Variants in ARAP2 observed in about 807,000 individuals in gnomAD.
ARAP2 encodes arf-GAP with Rho-GAP domain, ANK repeat and PH domain-containing protein 2.
ARAP2 carries 148 observed loss-of-function variants against 194.5 expected under a neutral mutation model. That is an observed-to-expected ratio of 0.76 (90% CI 0.67 to 0.87). ARAP2 has a LOEUF of 0.87. Among genes scored for constraint, ARAP2 ranks in the 40% least tolerant of loss-of-function variants. The pLI is 0.00. For synonymous variants in ARAP2, 695 were observed against 683.5 expected (o/e 1.02, Z -0.26); for missense variants, 2,128 against 1,989.7 (o/e 1.07, Z -1.32).
At chr4:36,107,766 T>A (rs1577910024) in intron 26 of ARAP2, 73 bp from the exon 27 acceptor site, 1 of 1,440,548 alleles carries the variant, frequency 6.9e-7, no homozygotes, top group East Asian at 2.6e-5. Context: ...AATCATAAAT[T>A]TTAAAAAATC....
At chr4:36,071,566 G>C (rs1726903634) in intron 32 of ARAP2, among the ~76,000 whole-genome samples, 1 of 151,876 alleles carries the variant, frequency 6.6e-6, no homozygotes, top group African/African-American at 2.4e-5. Flanking sequence ...TGAAAGCCAG[G>C]CTTAGCCACA....
intron 5 of ARAP2, among the ~76,000 whole-genome samples, chr4:36,028,889 T>C (rs1001694892): frequency 2.6e-5 from 4 of 152,014 alleles, no homozygotes; most frequent in African/African-American, 7.2e-5. Context: ...TCCTCACAGA[T>C]GAAAGGGCCA....
At chr4:36,176,703 A>T (rs1266726406) in intron 9 of ARAP2, among the ~76,000 whole-genome samples, 1 of 152,154 alleles carries the variant, frequency 6.6e-6, no homozygotes, top group Non-Finnish European at 1.5e-5. Context: ...GAATATGCTA[A>T]CTACCCACAT....
At chr4:36,243,887 T>C (rs1271231980) in intron 1 of ARAP2, 1 of 152,250 alleles carries the variant, frequency 6.6e-6, no homozygotes, top group African/African-American at 2.4e-5. Context: ...CTTCTTCTTA[T>C]TTAAAGGTAG....
intron 3 of ARAP2, among the ~76,000 whole-genome samples, chr4:36,047,459 T>C (rs750284836): frequency 4.6e-5 from 7 of 152,348 alleles, no homozygotes; most frequent in Non-Finnish European, 5.9e-5. Flanking sequence ...AATTATCTGG[T>C]CTTTTCAACA....
At chr4:36,155,794 C>T (rs1405695641) in intron 15 of ARAP2, among the ~76,000 whole-genome samples, 1 of 151,672 alleles carries the variant, frequency 6.6e-6, no homozygotes, top group Non-Finnish European at 1.5e-5. Flanking sequence ...TTTTAGGTCA[C>T]AATAAAAAAT....
At chr4:36,111,499 T>A (rs1342689239) in intron 26 of ARAP2, among the ~76,000 whole-genome samples, 1 of 151,994 alleles carries the variant, frequency 6.6e-6, no homozygotes, top group East Asian at 1.9e-4. Context: ...TAACTCTAAG[T>A]GTATTCTTTC....
intron 8 of ARAP2, among the ~76,000 whole-genome samples, chr4:36,013,298 G>A (rs527503803): frequency 1.7e-4 from 26 of 152,214 alleles, no homozygotes; most frequent in African/African-American, 3.6e-4. Context: ...ACTAAATGAC[G>A]TAATACCCTT....
At chr4:36,240,409 A>G (rs1481063659) in intron 1 of ARAP2, among the ~76,000 whole-genome samples, 1 of 152,232 alleles carries the variant, frequency 6.6e-6, no homozygotes, top group Non-Finnish European at 1.5e-5. Flanking sequence ...TAACGTATAC[A>G]TGTAGTTAGA....
chr4:36,228,027 C>A lies in ARAP2; in HGVS notation c.905+555G>T, dbSNP rs117695643. On this transcript the variant is annotated intron_variant, in intron 2 of 32. Transcript: ENST00000303965. ...CTAGTGAGCCTAGCTTCATACTGAGCTGTCTGTCACCATCTTTTTACATGT... is the reference window on the plus strand; with the variant it reads ...CTAGTGAGCCTAGCTTCATACTGAGATGTCTGTCACCATCTTTTTACATGT... Among the ~76,000 whole-genome samples, 897 of 152,260 alleles carry A rather than the reference C, an allele frequency of 5.9e-3. 10 individuals carry two copies. The highest frequency in any genetic ancestry group is 0.02 in the East Asian group (102 of 5,174).
intron 31 of ARAP2, among the ~76,000 whole-genome samples, chr4:36,075,201 G>A (rs1024696604): frequency 8.5e-5 from 13 of 152,150 alleles, no homozygotes; most frequent in Admixed American, 5.9e-4. Context: ...AATCACTGAT[G>A]TGTAGTGCAT....
chr4:36,160,997 A>G (rs1367582206), intron 12 of ARAP2, among the ~76,000 whole-genome samples: 1 of 152,196 alleles, frequency 6.6e-6, no homozygotes, highest in African/African-American at 2.4e-5. Context: ...TGGAACAAGG[A>G]GCCAAAAATG....
chr4:36,073,729 T>C lies in ARAP2; in HGVS notation c.4703A>G (p.Gln1568Arg), dbSNP rs1356490713. The C allele has an allele frequency of 3.1e-6, 5 of 1,613,178 alleles. No homozygotes were observed. The highest frequency in any genetic ancestry group is 4.2e-6 in the Non-Finnish European group (5 of 1,179,324). The change falls in exon 32 of 33, where the codon CAG (glutamine) becomes CGG (arginine). Residue 1568 changes from glutamine to arginine, a missense_variant. Physicochemically the swap from Gln to Arg is conservative, Grantham distance 43. Transcript: ENST00000303965. Reference protein sequence around the residue: ...KIGGLPLIPIQHEGNATLARK... With the variant: ...KIGGLPLIPIRHEGNATLARK... ...GGCCAAGGTTGCATTCCCCTCATGC[T>C]GTATAGGAATCAGAGGCAAACCTCC...
chr4:36,173,716 A>G (rs1470747657), intron 9 of ARAP2, among the ~76,000 whole-genome samples: 1 of 152,220 alleles, frequency 6.6e-6, no homozygotes, highest in Non-Finnish European at 1.5e-5. Flanking sequence ...GTGAAAATAA[A>G]AACAGCTATA....
In ARAP2 at chr4:36,119,052, T is replaced by A. The variant is rs934287412; in HGVS notation, c.3963+598A>T. ...CTCCTAGTTACTAGAAGATGACTAA[T>A]CATCAACCTTAAGAAATTCCAGTGA... On this transcript the variant is annotated intron_variant, in intron 24 of 32. Transcript: ENST00000303965. Among the ~76,000 whole-genome samples the A allele has an allele frequency of 2.6e-5, 4 of 151,388 alleles. No homozygotes were observed. The East Asian group carries it at 5.8e-4, about 22-fold the overall frequency.
chr4:36,010,986 T>C (rs557818886), intron 9 of ARAP2, among the ~76,000 whole-genome samples: 1 of 152,148 alleles, frequency 6.6e-6, no homozygotes, highest in Non-Finnish European at 1.5e-5. Flanking sequence ...CATTTCCTTA[T>C]AAGACTTGAA....
At chr4:36,037,988 G>A (rs182993196) in intron 5 of ARAP2, among the ~76,000 whole-genome samples, 65 of 152,202 alleles carry the variant, frequency 4.3e-4, no homozygotes, top group Middle Eastern at 6.8e-3. Context: ...GACTGCATTC[G>A]GAAGCTAGAT....
intron 5 of ARAP2, among the ~76,000 whole-genome samples, chr4:36,028,592 C>A (rs1269604395): frequency 7.0e-6 from 1 of 142,768 alleles, no homozygotes; most frequent in Non-Finnish European, 1.5e-5. Flanking sequence ...ACTAAATTAG[C>A]TAATGTTTGT....
rs977013233 is a variant in ARAP2 at position 36,114,077 on chromosome 4, T to C, written c.4156+93A>G. ...TAAGGTAAAAAAAATCATAACAAGA[T>C]GTTAAGACATAAAATGTTTATAAAG... On this transcript the variant is annotated intron_variant, in intron 26 of 32. Transcript: ENST00000303965. The C allele has an allele frequency of 5.4e-6, 5 of 922,038 alleles. No individual in the cohort carries two copies. In the African/African-American group the frequency reaches 6.8e-5, roughly 13 times the overall value. The allele number at this position is 922,038 out of a possible 1,614,324, so 57.1% of individuals were successfully genotyped here.
Sources: allele counts gnomAD v4.1 joint callset (sites outside exome capture counted in the v4.1 genomes callset), GRCh38; gene constraint gnomAD v4.1.1; transcripts MANE v1.5; gene names NCBI Gene and HGNC (gene_info 2026-07-23, HGNC 2026-07-21).